CAMTA1: variants seen among roughly 807,000 people sequenced by gnomAD.
CAMTA1 encodes the protein calmodulin-binding transcription activator 1.
CAMTA1 carries 27 observed loss-of-function variants against 170.9 expected under a neutral mutation model. That is an observed-to-expected ratio of 0.16 (90% CI 0.12 to 0.22). The LOEUF (loss-of-function observed/expected upper bound fraction) is 0.22, where lower values mean the gene tolerates loss of function less well. Ranked by LOEUF, CAMTA1 falls within the 10% of genes least tolerant of loss-of-function variation. CAMTA1 has a pLI of 1.00. For synonymous variants in CAMTA1, 833 were observed against 891.5 expected (o/e 0.93, Z 1.17); for missense variants, 1,619 against 2,217.2 (o/e 0.73, Z 5.42).
chr1:7,470,657 T>C (rs375544430), intron 6 of CAMTA1, among the ~76,000 whole-genome samples: 20 of 152,004 alleles, frequency 1.3e-4, no homozygotes, highest in African/African-American at 4.6e-4. Context: ...TCTAGAAAGG[T>C]AAGGGCATTG....
At position 7,010,278 on chromosome 1, in the gene CAMTA1, G is replaced by A. The variant is rs7513528; in HGVS notation, c.235-81026G>A. Among the ~76,000 whole-genome samples, 12,550 of 152,188 alleles carry A rather than the reference G, an allele frequency of 0.082. 631 individuals carry two copies. Among genetic ancestry groups the A allele is most frequent in the Middle Eastern group, 0.17 (50 of 294 alleles). On this transcript the variant is annotated intron_variant, in intron 3 of 22. Coordinates refer to ENST00000303635, the MANE Select transcript of CAMTA1 (RefSeq NM_015215.4). The surrounding 1 kb of genome is among the most constrained non-coding windows in gnomAD (Gnocchi z 4.4). ...GAACGAGGACCAGGACCCCAGGGCC[G>A]GCTCCTGGGCCGCCCCCTCACTCGG... is the stretch of plus-strand genomic sequence containing the variant.
chr1:7,310,459 A>G (rs1290000076), intron 5 of CAMTA1, among the ~76,000 whole-genome samples: 1 of 152,232 alleles, frequency 6.6e-6, no homozygotes, highest in Non-Finnish European at 1.5e-5. Context: ...AGTTATGGTT[A>G]TGTTCCAATA....
chr1:7,668,388 A>AACACACACACACAC (rs779206499), intron 9 of CAMTA1, among the ~76,000 whole-genome samples: 1 of 101,422 alleles, frequency 9.9e-6, no homozygotes, highest in Non-Finnish European at 2.1e-5. Context: ...GCTGGTCACC[A>AACACACACACACAC]ACACACACAC....
intron 4 of CAMTA1, among the ~76,000 whole-genome samples, chr1:7,111,032 T>C (rs1435968088): frequency 2.0e-5 from 3 of 152,222 alleles, no homozygotes; most frequent in Non-Finnish European, 2.9e-5. Context: ...TCTCTTCACC[T>C]CTTCCAGCGG....
At chr1:7,726,159 C>T (rs1164049628) in intron 11 of CAMTA1, among the ~76,000 whole-genome samples, 1 of 152,256 alleles carries the variant, frequency 6.6e-6, no homozygotes, top group Non-Finnish European at 1.5e-5. Context: ...AGTTGGGGAA[C>T]CTCAGCCCAG....
chr1:7,103,552 TACACACATAC>T (rs1476411071), intron 4 of CAMTA1, among the ~76,000 whole-genome samples: 4 of 24,838 alleles, frequency 1.6e-4, no homozygotes, highest in African/African-American at 4.8e-4. Context: ...ATGTACACAC[TACACACATAC>T]ACACAACACA....
rs1641709513 is a variant in CAMTA1, at chr1:7,093,410, C to T, written c.302+2039C>T. On this transcript the variant is annotated intron_variant, in intron 4 of 22. Coordinates refer to ENST00000303635, the MANE Select transcript of CAMTA1 (RefSeq NM_015215.4). This position sits in a 1 kb window ranked among gnomAD's most constrained non-coding sequence, Gnocchi z 4.6. ...TTCCAAGGGTGGCCCTTATCTCAAG[C>T]AGCCGCCAGCCTCTCCTTGCGCCCT... 1.3e-5 allele frequency among the ~76,000 whole-genome samples: 2 copies of T among 152,236 alleles called. No homozygotes were observed. The highest frequency in any genetic ancestry group is 2.9e-5 in the Non-Finnish European group (2 of 67,994).
At chr1:6,889,538 C>T (rs1674064772) in intron 3 of CAMTA1, among the ~76,000 whole-genome samples, 1 of 152,212 alleles carries the variant, frequency 6.6e-6, no homozygotes, top group South Asian at 2.1e-4. Flanking sequence ...CCGCAGTGCG[C>T]ACTCGTCAGT....
intron 5 of CAMTA1, among the ~76,000 whole-genome samples, chr1:7,379,856 C>T (rs2087145849): frequency 6.6e-6 from 1 of 152,224 alleles, no homozygotes; most frequent in Admixed American, 6.5e-5. Flanking sequence ...CAACACACAT[C>T]AGCGAACCGA....
At chr1:6,915,309 T>C (rs1380882770) in intron 3 of CAMTA1, among the ~76,000 whole-genome samples, 2 of 152,162 alleles carry the variant, frequency 1.3e-5, no homozygotes, top group Non-Finnish European at 2.9e-5. Context: ...ACTTGGAAAA[T>C]AATTTTTGTG....
At chr1:7,705,457 G>A (rs2096507397) in intron 11 of CAMTA1, among the ~76,000 whole-genome samples, 1 of 150,978 alleles carries the variant, frequency 6.6e-6, no homozygotes, top group Non-Finnish European at 1.5e-5. Flanking sequence ...CTGGAGTGGT[G>A]CGAGGACGCG....
In CAMTA1 at chr1:7,347,595, G is replaced by C. The variant is rs139939602; in HGVS notation, c.438+97969G>C. Among the ~76,000 whole-genome samples the C allele has an allele frequency of 5.3e-5, 8 of 152,304 alleles. No individual in the cohort carries two copies. In the East Asian group the frequency reaches 1.5e-3, roughly 29 times the overall value. On this transcript the variant is annotated intron_variant, in intron 5 of 22. Coordinates refer to ENST00000303635, the MANE Select transcript of CAMTA1 (RefSeq NM_015215.4). ...CTGGGTGGCTTAAAAGCACTGAAAT[G>C]TTTTCTTTTCAGTTCTAGAGGCCAG...
intron 11 of CAMTA1, among the ~76,000 whole-genome samples, chr1:7,729,721 G>A (rs897423700): frequency 3.3e-5 from 5 of 152,208 alleles, no homozygotes; most frequent in African/African-American, 1.2e-4. Flanking sequence ...GGAAAATGAG[G>A]ATAATAACAA....
At chr1:7,378,315 A>G (rs2087003046) in intron 5 of CAMTA1, among the ~76,000 whole-genome samples, 1 of 152,212 alleles carries the variant, frequency 6.6e-6, no homozygotes, top group Non-Finnish European at 1.5e-5. Flanking sequence ...AGAGAGAGGA[A>G]GCCGTGTTAC....
chr1:7,079,711 G>A (rs1050192883), intron 3 of CAMTA1, among the ~76,000 whole-genome samples: 3 of 151,752 alleles, frequency 2.0e-5, no homozygotes, highest in East Asian at 1.9e-4. Flanking sequence ...AACCTCAAGC[G>A]ATCCTCCCAC....
intron 4 of CAMTA1, among the ~76,000 whole-genome samples, chr1:7,140,231 G>A (rs961425074): frequency 6.6e-6 from 1 of 152,206 alleles, no homozygotes; most frequent in East Asian, 1.9e-4. Flanking sequence ...TGGGGAGCCA[G>A]GTTTGTGTGG....
chr1:7,091,159 G>T (rs1572965718), intron 3 of CAMTA1, 145 bp from the exon 4 acceptor site: 4 of 686,562 alleles, frequency 5.8e-6, no homozygotes, highest in Admixed American at 2.3e-5. Context: ...TAGAAACAGA[G>T]TCCAAGTCGA....
chr1:7,612,787 C>T (rs1576397487), intron 6 of CAMTA1, among the ~76,000 whole-genome samples: 2 of 152,358 alleles, frequency 1.3e-5, no homozygotes, highest in South Asian at 4.1e-4. Context: ...GGCCATCCCA[C>T]TGGGGCTCTT....
chr1:7,569,807 C>A (rs2095104141), intron 6 of CAMTA1, among the ~76,000 whole-genome samples: 1 of 152,156 alleles, frequency 6.6e-6, no homozygotes, highest in African/African-American at 2.4e-5. Context: ...ATCACCGCCA[C>A]CATCACCAAT....
Sources: allele counts gnomAD v4.1 joint callset (sites outside exome capture counted in the v4.1 genomes callset), GRCh38; gene constraint gnomAD v4.1.1; non-coding constraint Gnocchi (gnomAD v3.1); transcripts MANE v1.5; gene names NCBI Gene and HGNC (gene_info 2026-07-23, HGNC 2026-07-21).